The following WWC2 variants were observed in gnomAD, a reference collection of about 807,000 sequenced individuals.
WWC2 encodes the protein WW and C2 domain containing 2.
Under a neutral mutation model 138.5 loss-of-function variants are expected in WWC2, and 101 were observed. The ratio of observed to expected loss-of-function variants is 0.73; its 90% CI spans 0.62 to 0.86. The LOEUF (loss-of-function observed/expected upper bound fraction) is 0.86. Among genes scored for constraint, WWC2 ranks in the 40% least tolerant of loss-of-function variants. The pLI is 0.00. For missense variants in WWC2, 1,420 were observed against 1,419.4 expected (o/e 1.00, Z -0.01); for synonymous variants, 558 against 538.4 (o/e 1.04, Z -0.50).
At chr4:183,304,113 T>G (rs924681098) in intron 21 of WWC2, among the ~76,000 whole-genome samples, 36 of 152,096 alleles carry the variant, frequency 2.4e-4, no homozygotes, top group African/African-American at 8.7e-4. Flanking sequence ...GTAAAAAAAT[T>G]GAACAAAATG....
At chr4:183,118,185 A>G (rs1415660018) in intron 1 of WWC2, among the ~76,000 whole-genome samples, 1 of 152,224 alleles carries the variant, frequency 6.6e-6, no homozygotes, top group African/African-American at 2.4e-5. Context: ...TTGCCACGTT[A>G]TAGTTTGCTT....
At chr4:183,174,008 G>T (rs1038774916) in intron 1 of WWC2, among the ~76,000 whole-genome samples, 1 of 152,030 alleles carries the variant, frequency 6.6e-6, no homozygotes, top group East Asian at 1.9e-4. Flanking sequence ...CTTTTCTCTT[G>T]GTCTGGTCAG....
In WWC2 at chr4:183,320,410, G is replaced by A. The variant is rs951552202; in HGVS notation, c.*4681G>A. Reference sequence around the variant, plus strand: ...TTTCACAAAAGGATAGGGAAATAATGCCGCCAACCAGTAATGCCAAGGTGT... The same window carrying A: ...TTTCACAAAAGGATAGGGAAATAATACCGCCAACCAGTAATGCCAAGGTGT... On this transcript the variant is annotated 3_prime_UTR_variant, in exon 23 of 23. Coordinates refer to ENST00000403733, the MANE Select transcript of WWC2 (RefSeq NM_024949.6). The A allele has an allele frequency of 9.6e-6, 6 of 628,174 alleles. No individual in the cohort carries two copies. Among genetic ancestry groups the A allele is most frequent in the Non-Finnish European group, 1.4e-5 (5 of 359,300 alleles). 38.9% of individuals were successfully genotyped at this position (628,174 alleles called of 1,614,324 possible).
At chr4:183,301,048 C>G (rs1176672253) in intron 21 of WWC2, among the ~76,000 whole-genome samples, 2 of 152,058 alleles carry the variant, frequency 1.3e-5, no homozygotes, top group African/African-American at 2.4e-5. Flanking sequence ...GTGATATATC[C>G]CTTGTTAAAT....
chr4:183,123,787 A>T (rs945566497), intron 1 of WWC2, among the ~76,000 whole-genome samples: 2 of 152,138 alleles, frequency 1.3e-5, no homozygotes, highest in African/African-American at 4.8e-5. Context: ...TAATATGATG[A>T]ATTTTATTAA....
At chr4:183,118,061 G>C (rs898106479) in intron 1 of WWC2, among the ~76,000 whole-genome samples, 1 of 152,190 alleles carries the variant, frequency 6.6e-6, no homozygotes, top group Non-Finnish European at 1.5e-5. Flanking sequence ...GCCTCCCAAA[G>C]TGCTGGGATT....
chr4:183,217,739 G>A (rs1317636909), intron 4 of WWC2, among the ~76,000 whole-genome samples: 1 of 152,012 alleles, frequency 6.6e-6, no homozygotes, highest in Non-Finnish European at 1.5e-5. Context: ...GAATTACACA[G>A]AGAAAACAAA....
At chr4:183,265,301 G>C (rs1402768740) in intron 12 of WWC2, among the ~76,000 whole-genome samples, 194 bp downstream of exon 12, 1 of 152,226 alleles carries the variant, frequency 6.6e-6, no homozygotes, top group Non-Finnish European at 1.5e-5. Flanking sequence ...TCGATAAACA[G>C]ATTGGTGTAC....
At chr4:183,225,516 A>G (rs1021497455) in intron 4 of WWC2, among the ~76,000 whole-genome samples, 1 of 152,238 alleles carries the variant, frequency 6.6e-6, no homozygotes, top group Non-Finnish European at 1.5e-5. Flanking sequence ...TTAAACATGA[A>G]AAGTCCAATC....
chr4:183,166,507 TG>T, intron 1 of WWC2, among the ~76,000 whole-genome samples: 1 of 152,314 alleles, frequency 6.6e-6, no homozygotes, highest in East Asian at 1.9e-4. Context: ...GGATATTTTT[TG>T]CCTATAAAGG....
intron 9 of WWC2, among the ~76,000 whole-genome samples, chr4:183,256,532 A>T (rs11936710): frequency 0.28 from 43,181 of 151,848 alleles, 7,233 homozygotes; most frequent in South Asian, 0.48. Context: ...TGTTGCACTG[A>T]CGCCGGGAGT....
At chr4:183,243,034 T>C (rs1736668079) in intron 5 of WWC2, among the ~76,000 whole-genome samples, 1 of 152,224 alleles carries the variant, frequency 6.6e-6, no homozygotes, top group African/African-American at 2.4e-5. Flanking sequence ...GCTGTGTTCT[T>C]CACATTTAGC....
At chr4:183,102,857 A>G (rs1435439975) in intron 1 of WWC2, among the ~76,000 whole-genome samples, 1 of 148,454 alleles carries the variant, frequency 6.7e-6, no homozygotes, top group Non-Finnish European at 1.5e-5. Flanking sequence ...TCTTGGCCAA[A>G]TGGCCTGGTG....
intron 1 of WWC2, among the ~76,000 whole-genome samples, chr4:183,140,075 G>A (rs1158904567): frequency 6.6e-6 from 1 of 152,232 alleles, no homozygotes; most frequent in South Asian, 2.1e-4. Flanking sequence ...GCCTTACAAA[G>A]TCCTGGGATT....
intron 21 of WWC2, among the ~76,000 whole-genome samples, chr4:183,308,779 G>A (rs1739108104): frequency 6.6e-6 from 1 of 152,116 alleles, no homozygotes; most frequent in African/African-American, 2.4e-5. Context: ...TAGTAATACA[G>A]TATAATGTAG....
At chr4:183,155,189 G>GAGGA (rs1554067852) in intron 1 of WWC2, among the ~76,000 whole-genome samples, 1 of 103,736 alleles carries the variant, frequency 9.6e-6, no homozygotes, top group East Asian at 3.3e-4. Context: ...CATCTTCTGA[G>GAGGA]GAGAGAGAGA....
At chr4:183,132,523 A>C (rs960093059) in intron 1 of WWC2, among the ~76,000 whole-genome samples, 1 of 149,160 alleles carries the variant, frequency 6.7e-6, no homozygotes, top group Non-Finnish European at 1.5e-5. Context: ...GCGCGATCTC[A>C]GCTCACTGCA....
chr4:183,194,731 C>T (rs1438423762), intron 2 of WWC2, among the ~76,000 whole-genome samples: 2 of 152,054 alleles, frequency 1.3e-5, no homozygotes, highest in African/African-American at 4.8e-5. Flanking sequence ...ATCTTCCAGG[C>T]GGGTGAGGTG....
intron 1 of WWC2, among the ~76,000 whole-genome samples, chr4:183,171,794 A>G (rs4298176): frequency 0.98 from 149,623 of 152,228 alleles, 73,578 homozygotes; most frequent in Middle Eastern, 1. Context: ...AAATAACTTT[A>G]TCTATCTATC....
Sources: gnomAD v4.1 joint callset for allele counts (sites outside exome capture counted in the v4.1 genomes callset) on GRCh38, gnomAD v4.1.1 for gene constraint, MANE v1.5 for transcripts, NCBI Gene and HGNC (gene_info 2026-07-23, HGNC 2026-07-21) for gene names.